The following GFM2 variants were observed in gnomAD, a reference collection of about 807,000 sequenced individuals.
The protein encoded by GFM2 is ribosome-releasing factor 2, mitochondrial.
A neutral mutation model predicts 95.4 loss-of-function variants in GFM2; 72 were observed. The observed-to-expected ratio is 0.76, with a 90% CI of 0.62 to 0.92. The LOEUF (loss-of-function observed/expected upper bound fraction) is 0.92, where lower values mean the gene tolerates loss of function less well. Among genes scored for constraint, GFM2 ranks in the 40% least tolerant of loss-of-function variants. The pLI is 0.00. For synonymous variants in GFM2, 276 were observed against 317.5 expected (o/e 0.87, Z 1.39); for missense variants, 825 against 924.1 (o/e 0.89, Z 1.39).
chr5:74,750,586 C>G lies in GFM2; in HGVS notation c.512G>C (p.Gly171Ala), dbSNP rs1279865554. 6.2e-7 allele frequency: 1 copy of G among 1,607,940 alleles called. No homozygotes were observed. ...TTTGGCAATATTATTTACCTCTACACCAGCAGAGGCATCAAATACAGCCAC... is the reference window on the plus strand; with the variant it reads ...TTTGGCAATATTATTTACCTCTACAGCAGCAGAGGCATCAAATACAGCCAC... ...GAVAVFDASA[G>A]VEAQTLTVWR... The change falls in exon 7 of 21, where the codon GGT becomes GCT. Residue 171 changes from glycine (G) to alanine (A), a missense_variant. Transcript: ENST00000296805.
intron 10 of GFM2, among the ~76,000 whole-genome samples, chr5:74,742,435 G>A (rs1232816989): frequency 6.6e-6 from 1 of 152,038 alleles, no homozygotes; most frequent in Non-Finnish European, 1.5e-5. Context: ...TCACCTCTCT[G>A]CCTTAGTAAC....
In GFM2 at chr5:74,740,051, C is replaced by T; in HGVS notation, c.1017G>A (p.Gln339=). Residue 339 remains glutamine, a synonymous_variant, in exon 12 of 21, where the codon CAG becomes CAA. Transcript: ENST00000296805. ...ACATAGTAACAGCATCTAACAAGGGCTGTATCCCTTTGTTTTTCAGGGCAC... is the reference window on the plus strand; with the variant it reads ...ACATAGTAACAGCATCTAACAAGGGTTGTATCCCTTTGTTTTTCAGGGCAC... ...CGSALKNKGI[Q]PLLDAVTMYL... is the part of the protein sequence containing the mutation. The T allele has an allele frequency of 6.2e-7, 1 of 1,605,814 alleles. No homozygotes were observed.
At chr5:74,735,315 A>G (rs1742777968) in intron 15 of GFM2, among the ~76,000 whole-genome samples, 1 of 152,176 alleles carries the variant, frequency 6.6e-6, no homozygotes, top group African/African-American at 2.4e-5. Flanking sequence ...TCTTACATCT[A>G]TATTCAGATT....
Position 74,747,796 on chromosome 5 carries a change from G to A in GFM2, c.520-16C>T, listed in dbSNP as rs1434259312. On this transcript the variant is annotated splice_polypyrimidine_tract_variant and intron_variant, in intron 7 of 20. Coordinates refer to ENST00000296805, the MANE Select transcript of GFM2 (RefSeq NM_032380.5). ...GAGTCTGGGCCTAAAGCAAAGATGAGGAAAAAAATACATACTGAACAAAAG... is the reference window on the plus strand; with the variant it reads ...GAGTCTGGGCCTAAAGCAAAGATGAAGAAAAAAATACATACTGAACAAAAG... 4.1e-6 allele frequency: 6 copies of A among 1,454,202 alleles called. No homozygotes were observed. Among genetic ancestry groups the A allele is most frequent in the South Asian group, 1.2e-5 (1 of 85,070 alleles). 90.1% of individuals were successfully genotyped at this position (1,454,202 alleles called of 1,614,324 possible).
intron 17 of GFM2, among the ~76,000 whole-genome samples, chr5:74,729,188 C>A (rs1234773670): frequency 6.6e-6 from 1 of 152,166 alleles, no homozygotes; most frequent in Non-Finnish European, 1.5e-5. Flanking sequence ...TTTCAGGGCA[C>A]ACTGGTTCTA....
chr5:74,740,279 A>T, intron 11 of GFM2, 142 bp from the exon 12 acceptor site: 1 of 559,212 alleles, frequency 1.8e-6, no homozygotes. Flanking sequence ...AGTTTTTAAC[A>T]CTCATCACTA....
intron 5 of GFM2, among the ~76,000 whole-genome samples, chr5:74,753,706 A>G (rs760775763): frequency 1.3e-5 from 2 of 152,226 alleles, no homozygotes; most frequent in Non-Finnish European, 2.9e-5. Flanking sequence ...GCCTCTAAGA[A>G]GTTTGGGATT....
intron 16 of GFM2, among the ~76,000 whole-genome samples, chr5:74,731,349 G>T (rs1172872060): frequency 6.6e-6 from 1 of 152,146 alleles, no homozygotes; most frequent in Non-Finnish European, 1.5e-5. Flanking sequence ...AAGACTAAAG[G>T]TATTAGCGTA....
intron 10 of GFM2, among the ~76,000 whole-genome samples, chr5:74,742,021 C>T (rs78325970): frequency 0.024 from 3,650 of 152,238 alleles, 148 homozygotes; most frequent in African/African-American, 0.084. Context: ...TTCACCAGAT[C>T]TCCCAAGACA....
chr5:74,743,378 G>A (rs1418631807), intron 10 of GFM2, among the ~76,000 whole-genome samples: 2 of 152,136 alleles, frequency 1.3e-5, no homozygotes, highest in Non-Finnish European at 2.9e-5. Flanking sequence ...CCAACAGTGC[G>A]CAAAGTTATA....
intron 19 of GFM2, chr5:74,725,089 A>G (rs1316130756): frequency 2.6e-5 from 4 of 152,246 alleles, no homozygotes; most frequent in East Asian, 3.8e-4. Flanking sequence ...ATAATTTAAT[A>G]TAAGTAGAGA....
intron 10 of GFM2, among the ~76,000 whole-genome samples, chr5:74,744,418 T>C (rs1214400757): frequency 6.6e-6 from 1 of 151,732 alleles, no homozygotes; most frequent in African/African-American, 2.4e-5. Flanking sequence ...GCTGAATAAA[T>C]TTATTTGGAC....
chr5:74,747,840 T>C, intron 7 of GFM2, 60 bp from the exon 8 acceptor site: 1 of 916,830 alleles, frequency 1.1e-6, no homozygotes, highest in Non-Finnish European at 1.7e-6. Context: ...TTACTAGACC[T>C]GGAATGAAGA....
chr5:74,744,134 T>C (rs1743248835), intron 10 of GFM2, among the ~76,000 whole-genome samples: 4 of 152,212 alleles, frequency 2.6e-5, no homozygotes, highest in Admixed American at 2.6e-4. Flanking sequence ...CTAGACGGCA[T>C]AGCCTGCTTT....
Position 74,728,770 on chromosome 5 carries a change from T to TTTTTTGAGA in GFM2, c.1726+1489_1726+1490insTCTCAAAAA, listed in dbSNP as rs756604027. ...TTTCTTTTTTTTTTTTTTTTTTTTT[T>TTTTTTGAGA]TTTTGAGATGGCGTCTCACTCTGTT... is the stretch of plus-strand genomic sequence containing the variant. On this transcript the variant is annotated intron_variant, in intron 17 of 20. Coordinates refer to ENST00000296805, the MANE Select transcript of GFM2 (RefSeq NM_032380.5). 1.6e-3 allele frequency among the ~76,000 whole-genome samples: 184 copies of TTTTTTGAGA among 113,814 alleles called. 13 individuals are homozygous for TTTTTTGAGA. Among genetic ancestry groups the TTTTTTGAGA allele is most frequent in the African/African-American group, 2.2e-3 (54 of 24,480 alleles). 74.7% of individuals were successfully genotyped at this position (113,814 alleles called of 152,430 possible).
Position 74,759,402 on chromosome 5 carries a change from G to A in GFM2, c.173C>T (p.Ser58Phe), listed in dbSNP as rs1477682197. 2.0e-6 allele frequency: 3 copies of A among 1,534,070 alleles called. No homozygotes were observed. Residue 58 changes from serine (S) to phenylalanine (F), a missense_variant, in exon 4 of 21, where the codon TCC (serine) becomes TTC (phenylalanine). By Grantham distance (155) the Ser-to-Phe change is radical (BLOSUM62 -2). Coordinates refer to ENST00000296805, the MANE Select transcript of GFM2 (RefSeq NM_032380.5). ...LPGLIGNDIK[S>F]LHSIINPPIA... ...GGGAGGATTGATGATGGAATGAAGG[G>A]ATTTGATATCATTTCCTATTAAGCC...
chr5:74,726,046 CAG>C lies in GFM2; in HGVS notation c.1805_1806del (p.Ser602CysfsTer6). 1 of 1,613,482 alleles carries C rather than the reference CAG, an allele frequency of 6.2e-7. No homozygotes were observed. The highest frequency in any genetic ancestry group is 1.3e-5 in the African/African-American group (1 of 74,916). On this transcript the variant is annotated frameshift_variant, in exon 18 of 21. Coordinates refer to ENST00000296805, the MANE Select transcript of GFM2 (RefSeq NM_032380.5). LOFTEE classifies it high-confidence loss of function. ...TACTCAAACTCAATCACAGGCATAA[CAG>C]ATGATGTTTCAATTGGCCTTGCTTC... is the stretch of plus-strand genomic sequence containing the variant. ...EVEARPIETS[S>X]VMPVIEFEYA...
At chr5:74,759,736 A>G (rs1421673139) in intron 3 of GFM2, among the ~76,000 whole-genome samples, 1 of 152,154 alleles carries the variant, frequency 6.6e-6, no homozygotes, top group African/African-American at 2.4e-5. Context: ...ACTAGAATAA[A>G]TGCTCATAAT....
At chr5:74,758,812 T>G in intron 5 of GFM2, 37 bp downstream of exon 5, 1 of 1,280,022 alleles carries the variant, frequency 7.8e-7, no homozygotes, top group Non-Finnish European at 1.1e-6. Context: ...ATGCTTTTGC[T>G]AATGGGGGGG....
Sources: allele counts gnomAD v4.1 joint callset (sites outside exome capture counted in the v4.1 genomes callset), GRCh38; gene constraint gnomAD v4.1.1; transcripts MANE v1.5; gene names NCBI Gene and HGNC (gene_info 2026-07-23, HGNC 2026-07-21).